Variants in CAMTA1 observed in about 807,000 individuals in gnomAD.
CAMTA1 encodes the protein calmodulin-binding transcription activator 1.
CAMTA1 carries 27 observed loss-of-function variants against 170.9 expected under a neutral mutation model. That is an observed-to-expected ratio of 0.16 (90% CI 0.12 to 0.22). The LOEUF is 0.22. Among genes scored for constraint, CAMTA1 ranks in the 10% least tolerant of loss-of-function variants. The pLI is 1.00. For synonymous variants in CAMTA1, 833 were observed against 891.5 expected (o/e 0.93, Z 1.17); for missense variants, 1,619 against 2,217.2 (o/e 0.73, Z 5.42).
intron 3 of CAMTA1, among the ~76,000 whole-genome samples, chr1:6,834,786 TGCC>T (rs1652197960): frequency 6.6e-6 from 1 of 152,162 alleles, no homozygotes; most frequent in South Asian, 2.1e-4. Flanking sequence ...TATAGGCGTG[TGCC>T]ACGCCCAGCT....
chr1:7,493,344 CACAAACACAA>C, intron 6 of CAMTA1, among the ~76,000 whole-genome samples: 1 of 147,560 alleles, frequency 6.8e-6, no homozygotes, highest in South Asian at 2.1e-4. Flanking sequence ...CACATGCACA[CACAAACACAA>C]ACATACAAAC....
chr1:7,210,517 A>G (rs1249735426), intron 4 of CAMTA1, among the ~76,000 whole-genome samples: 1 of 152,168 alleles, frequency 6.6e-6, no homozygotes. Context: ...TCTCCAGTGT[A>G]AAGTTATTGT....
In CAMTA1 at chr1:6,965,462, G is replaced by A. The variant is rs538617584; in HGVS notation, c.235-125842G>A. 2.6e-5 allele frequency among the ~76,000 whole-genome samples: 4 copies of A among 152,146 alleles called. No homozygotes were observed. The highest frequency in any genetic ancestry group is 7.2e-5 in the African/African-American group (3 of 41,410). ...AAGGTAATGCATTTCAGCTGCCTGTGGGGGAAGGTAAATGTGGTTTATTAG... is the reference window on the plus strand; with the variant it reads ...AAGGTAATGCATTTCAGCTGCCTGTAGGGGAAGGTAAATGTGGTTTATTAG... On this transcript the variant is annotated intron_variant, in intron 3 of 22. Coordinates refer to ENST00000303635, the MANE Select transcript of CAMTA1 (RefSeq NM_015215.4). The surrounding 1 kb of genome is among the most constrained non-coding windows in gnomAD (Gnocchi z 4.1).
intron 12 of CAMTA1, among the ~76,000 whole-genome samples, chr1:7,735,118 T>A (rs1462828060): frequency 6.6e-6 from 1 of 152,226 alleles, no homozygotes; most frequent in Non-Finnish European, 1.5e-5. Flanking sequence ...CTTTTTACTT[T>A]ACATAAAGGA....
At chr1:7,397,560 G>T (rs2089427062) in intron 5 of CAMTA1, among the ~76,000 whole-genome samples, 1 of 151,876 alleles carries the variant, frequency 6.6e-6, no homozygotes, top group Non-Finnish European at 1.5e-5. Flanking sequence ...GGTTTAGCTT[G>T]TTCTTGTTTT....
intron 3 of CAMTA1, among the ~76,000 whole-genome samples, chr1:6,940,477 A>G (rs186236263): frequency 3.2e-4 from 49 of 152,304 alleles, no homozygotes; most frequent in African/African-American, 1.1e-3. Context: ...TTCAAAGCCT[A>G]ATCTCATCCA....
chr1:7,012,729 C>G (rs1699984612), intron 3 of CAMTA1, among the ~76,000 whole-genome samples: 1 of 152,196 alleles, frequency 6.6e-6, no homozygotes. Context: ...GCTGCCCTTT[C>G]TCTTCCTCAG....
At chr1:7,705,754 A>G (rs911862065) in intron 11 of CAMTA1, among the ~76,000 whole-genome samples, 5 of 152,062 alleles carry the variant, frequency 3.3e-5, no homozygotes, top group African/African-American at 9.7e-5. Context: ...GACTGTCTCT[A>G]ACTACAGACC....
chr1:7,009,769 C>A (rs1699529468), intron 3 of CAMTA1, among the ~76,000 whole-genome samples: 1 of 152,214 alleles, frequency 6.6e-6, no homozygotes, highest in Non-Finnish European at 1.5e-5. Context: ...TCTAAGGCAG[C>A]TTGGACATGG....
intron 3 of CAMTA1, among the ~76,000 whole-genome samples, chr1:6,840,199 C>T (rs1438640688): frequency 6.9e-6 from 1 of 144,310 alleles, no homozygotes. Context: ...AACACCGTCT[C>T]AAAAAAAAAA....
At chr1:7,656,576 G>A (rs1027994685) in intron 7 of CAMTA1, among the ~76,000 whole-genome samples, 1 of 152,212 alleles carries the variant, frequency 6.6e-6, no homozygotes, top group African/African-American at 2.4e-5. Flanking sequence ...AGGAAAATAG[G>A]ACGGCCCTAC....
At chr1:7,278,484 A>C (rs963948200) in intron 5 of CAMTA1, among the ~76,000 whole-genome samples, 11 of 152,226 alleles carry the variant, frequency 7.2e-5, no homozygotes, top group African/African-American at 2.7e-4. Flanking sequence ...TACTACAATA[A>C]GTGCTTTTCA....
intron 11 of CAMTA1, among the ~76,000 whole-genome samples, chr1:7,720,809 G>A (rs1194058922): frequency 1.3e-5 from 2 of 152,216 alleles, no homozygotes; most frequent in Non-Finnish European, 2.9e-5. Context: ...CACTGTAGCT[G>A]CGTGGTTTCC....
At chr1:7,515,084 G>A (rs894082380) in intron 6 of CAMTA1, among the ~76,000 whole-genome samples, 1 of 149,364 alleles carries the variant, frequency 6.7e-6, no homozygotes. Flanking sequence ...GGTCCTCCCC[G>A]GCTCCCTCCA....
At chr1:7,571,417 G>T (rs778542570) in intron 6 of CAMTA1, among the ~76,000 whole-genome samples, 1 of 152,182 alleles carries the variant, frequency 6.6e-6, no homozygotes, top group Non-Finnish European at 1.5e-5. Flanking sequence ...TTGGCCTACA[G>T]ATTATTTCAT....
chr1:7,066,340 C>T (rs977952430), intron 3 of CAMTA1, among the ~76,000 whole-genome samples: 4 of 152,170 alleles, frequency 2.6e-5, no homozygotes, highest in South Asian at 4.1e-4. Flanking sequence ...TGCACCACCC[C>T]GGGATCTACA....
At chr1:7,310,968 T>G (rs1676642149) in intron 5 of CAMTA1, among the ~76,000 whole-genome samples, 1 of 152,076 alleles carries the variant, frequency 6.6e-6, no homozygotes, top group Non-Finnish European at 1.5e-5. Flanking sequence ...TGGGCTCAAG[T>G]GATCCACGGG....
intron 3 of CAMTA1, chr1:6,834,570 A>ATGTG (rs1266182020): frequency 4.7e-6 from 1 of 211,366 alleles, no homozygotes; most frequent in African/African-American, 2.3e-5. Flanking sequence ...CGGTGGCACA[A>ATGTG]TGTGTGTGTC....
chr1:7,291,031 T>C (rs1673061054), intron 5 of CAMTA1, among the ~76,000 whole-genome samples: 1 of 152,132 alleles, frequency 6.6e-6, no homozygotes, highest in African/African-American at 2.4e-5. Context: ...GGATGAAACA[T>C]GCTCCCAATC....
Sources: allele counts gnomAD v4.1 joint callset (sites outside exome capture counted in the v4.1 genomes callset), GRCh38; gene constraint gnomAD v4.1.1; non-coding constraint Gnocchi (gnomAD v3.1); transcripts MANE v1.5; gene names NCBI Gene and HGNC (gene_info 2026-07-23, HGNC 2026-07-21).